Variants in PRR5 observed in about 807,000 individuals in gnomAD.
The protein encoded by PRR5 is proline rich 5, also known as proline-rich protein 5.
A neutral mutation model predicts 30.6 loss-of-function variants in PRR5; 25 were observed. The ratio of observed to expected loss-of-function variants is 0.82; its 90% CI spans 0.60 to 1.14. The LOEUF is 1.14. PRR5 is among the 50% of genes most tolerant of loss of function. The pLI is 0.00. For synonymous variants in PRR5, 286 were observed against 247.1 expected (o/e 1.16, Z -1.48); for missense variants, 600 against 547.1 (o/e 1.10, Z -0.96).
chr22:44,735,951 C>A (rs937412313), intron 7 of PRR5, among the ~76,000 whole-genome samples: 165 of 152,356 alleles, frequency 1.1e-3, no homozygotes, highest in African/African-American at 3.8e-3. Context: ...GGCAGGACCC[C>A]AGCCCCTGCC....
chr22:44,725,326 G>T, intron 3 of PRR5, 34 bp downstream of exon 3: 3 of 1,610,560 alleles, frequency 1.9e-6, no homozygotes, highest in Non-Finnish European at 2.5e-6. Context: ...GGCTGGGCCT[G>T]CCTCATGAGC....
chr22:44,690,288 C>T (rs919602316), intron 1 of PRR5, among the ~76,000 whole-genome samples: 1 of 152,134 alleles, frequency 6.6e-6, no homozygotes, highest in Non-Finnish European at 1.5e-5. Flanking sequence ...TGTGCCTGAA[C>T]GTTGACCTGA....
chr22:44,700,043 C>T (rs1394272918), upstream of PRR5, among the ~76,000 whole-genome samples: 2 of 152,034 alleles, frequency 1.3e-5, no homozygotes, highest in Non-Finnish European at 2.9e-5. Flanking sequence ...GGGCTAGGCA[C>T]AGTAGTTCAT....
At chr22:44,732,430 G>A (rs1161169452) in intron 6 of PRR5, 39 bp downstream of exon 6, 1 of 1,583,522 alleles carries the variant, frequency 6.3e-7, no homozygotes, top group South Asian at 1.1e-5. Context: ...TGGGGACCGT[G>A]GGGCAGTAAT....
chr22:44,687,121 C>T (rs925312191), intron 1 of PRR5, among the ~76,000 whole-genome samples: 2 of 152,112 alleles, frequency 1.3e-5, no homozygotes, highest in Admixed American at 1.3e-4. Context: ...AATCCCAGCT[C>T]GTGGGCATGC....
intron 1 of PRR5, among the ~76,000 whole-genome samples, chr22:44,709,502 C>T (rs914501638): frequency 1.3e-5 from 2 of 152,076 alleles, no homozygotes; most frequent in South Asian, 2.1e-4. Flanking sequence ...TCCCCCCGCC[C>T]GAGCCTCCAG....
chr22:44,720,027 C>T (rs1316601436), intron 2 of PRR5, among the ~76,000 whole-genome samples: 7 of 152,194 alleles, frequency 4.6e-5, no homozygotes. Flanking sequence ...CAGCTTCGTC[C>T]CCTGGGCTCC....
At chr22:44,730,581 G>C in intron 4 of PRR5, 2 of 989,370 alleles carry the variant, frequency 2.0e-6, no homozygotes, top group Non-Finnish European at 2.4e-6. Flanking sequence ...AGCTGGTCCC[G>C]ATGTCTGCTA....
rs149670782 is a variant in PRR5 at position 44,688,112 on chromosome 22, A to G, written c.-11+10872A>G. ...TTAAAACATTTTCCTAGCCGGGTGC[A>G]GTGGCTCACACCTGTAATACCAACA... On this transcript the variant is annotated intron_variant, in intron 1 of 8. Transcript: ENST00000006251. Among the ~76,000 whole-genome samples the G allele has an allele frequency of 4.7e-3, 682 of 145,738 alleles. 7 individuals carry two copies. Among genetic ancestry groups the G allele is most frequent in the African/African-American group, 0.015 (623 of 40,408 alleles).
At position 44,736,737 on chromosome 22, in the gene PRR5, G is replaced by A. The variant is rs746239711; in HGVS notation, c.692-35G>A. The A allele has an allele frequency of 3.3e-6, 5 of 1,516,576 alleles. No individual in the cohort carries two copies. The Admixed American group carries it at 6.4e-5, about 19-fold the overall frequency. 93.9% of individuals were successfully genotyped at this position (1,516,576 alleles called of 1,614,324 possible). A position where few individuals can be genotyped will look rare whatever the true frequency, so the allele number is the denominator to read the frequency against. On this transcript the variant is annotated intron_variant, in intron 7 of 7. Transcript: ENST00000336985. ...GCCAAGGCGGGCGGGGACCCAGGTG[G>A]CCTCTGGTGTGACAGTGCCCGTGTC...
chr22:44,702,210 C>T lies in PRR5; in HGVS notation c.-265C>T. The T allele has an allele frequency of 2.0e-6, 2 of 1,024,994 alleles. No individual in the cohort carries two copies. The highest frequency in any genetic ancestry group is 2.4e-6 in the Non-Finnish European group (2 of 841,952). The allele number at this position is 1,024,994 out of a possible 1,614,324, so 63.5% of individuals were successfully genotyped here. A position where few individuals can be genotyped will look rare whatever the true frequency, so the allele number is the denominator to read the frequency against. On this transcript the variant is annotated 5_prime_UTR_variant, in exon 1 of 8. Transcript: ENST00000336985. ...CGCCCCCGGGTCCGCCCCCGGCCTC[C>T]GTTTGCGCCGGGTCTGTGCTGGCCG...
chr22:44,730,993 C>G (rs748053733), intron 4 of PRR5: 5 of 418,218 alleles, frequency 1.2e-5, no homozygotes, highest in African/African-American at 2.1e-5. Flanking sequence ...CCAGCATCAG[C>G]GCCAGCACAC....
intron 4 of PRR5, 116 bp downstream of exon 4, chr22:44,726,750 A>G (rs11914253): frequency 1.2e-4 from 176 of 1,480,784 alleles, no homozygotes; most frequent in Middle Eastern, 1.1e-3. Context: ...TCTGGTCCGG[A>G]GGGCTTGGAA....
chr22:44,701,091 G>T (rs570681621), upstream of PRR5, among the ~76,000 whole-genome samples: 1 of 152,024 alleles, frequency 6.6e-6, no homozygotes, highest in Non-Finnish European at 1.5e-5. Flanking sequence ...CATGTTGGCC[G>T]GGCTGGTCTT....
chr22:44,720,817 T>C (rs1929819267), intron 2 of PRR5, among the ~76,000 whole-genome samples: 2 of 152,118 alleles, frequency 1.3e-5, no homozygotes, highest in Non-Finnish European at 1.5e-5. Context: ...AGGAGTGCGC[T>C]GAGTTCATTC....
intron 1 of PRR5, among the ~76,000 whole-genome samples, chr22:44,712,065 C>T (rs549115961): frequency 3.3e-5 from 5 of 152,018 alleles, no homozygotes; most frequent in South Asian, 4.1e-4. Flanking sequence ...CACAGGGGAG[C>T]GTCATCCCAG....
Position 44,721,760 on chromosome 22 carries a change from C to A in PRR5, c.216-3484C>A, listed in dbSNP as rs150404467. 7.2e-5 allele frequency among the ~76,000 whole-genome samples: 11 copies of A among 152,296 alleles called. No homozygotes were observed. The East Asian group carries it at 1.9e-3, about 27-fold the overall frequency. ...ACAGACAAGGGTGCCGAGGCCCAGA[C>A]AGGGGAGGGGTCTCGTCCAGAGTCA... On this transcript the variant is annotated intron_variant, in intron 2 of 7. Coordinates refer to ENST00000336985, the MANE Select transcript of PRR5 (RefSeq NM_181333.4).
intron 1 of PRR5, among the ~76,000 whole-genome samples, chr22:44,706,218 A>G (rs775414197): frequency 1.2e-4 from 19 of 152,208 alleles, no homozygotes; most frequent in Non-Finnish European, 2.8e-4. Context: ...CATCAAGTGT[A>G]AGGCTTGCTC....
At chr22:44,702,953 G>A (rs1225982998) in intron 1 of PRR5, among the ~76,000 whole-genome samples, 1 of 152,234 alleles carries the variant, frequency 6.6e-6, no homozygotes, top group Non-Finnish European at 1.5e-5. Flanking sequence ...CAACCTGGGA[G>A]GCTAACGGAG....
Sources: allele counts gnomAD v4.1 joint callset (sites outside exome capture counted in the v4.1 genomes callset), GRCh38; gene constraint gnomAD v4.1.1; transcripts MANE v1.5; gene names NCBI Gene and HGNC (gene_info 2026-07-23, HGNC 2026-07-21).